The following KCNC1 variants were observed in gnomAD, a reference collection of about 807,000 sequenced individuals.
KCNC1 encodes potassium voltage-gated channel subfamily C member 1, also known as voltage-gated potassium channel KCNC1.
In KCNC1, 8 loss-of-function variants were observed where a neutral mutation model predicts 43.4. The ratio of observed to expected loss-of-function variants is 0.18; its 90% CI spans 0.11 to 0.33. The LOEUF is 0.33. Among genes scored for constraint, KCNC1 ranks in the 10% least tolerant of loss-of-function variants. KCNC1 has a pLI of 1.00. For synonymous variants in KCNC1, 361 were observed against 360.5 expected (o/e 1.00, Z -0.01); for missense variants, 420 against 836.0 (o/e 0.50, Z 6.14).
At chr11:17,737,807 C>T (rs530135502) in intron 1 of KCNC1, among the ~76,000 whole-genome samples, 2 of 152,288 alleles carry the variant, frequency 1.3e-5, no homozygotes, top group African/African-American at 2.4e-5. Context: ...TCTTTTACTC[C>T]GCATCTCTCC....
At chr11:17,761,272 G>A (rs547250036) in intron 1 of KCNC1, among the ~76,000 whole-genome samples, 1 of 152,346 alleles carries the variant, frequency 6.6e-6, no homozygotes, top group Non-Finnish European at 1.5e-5. Flanking sequence ...AGAGAGAAAG[G>A]CCTAAAACTT....
intron 2 of KCNC1, chr11:17,774,248 A>G: frequency 1.0e-6 from 1 of 985,470 alleles, no homozygotes; most frequent in Non-Finnish European, 1.2e-6. Flanking sequence ...GGAGCTACCA[A>G]CAGGGCTCTG....
intron 1 of KCNC1, among the ~76,000 whole-genome samples, chr11:17,758,212 T>C (rs1590100154): frequency 6.6e-6 from 1 of 152,222 alleles, no homozygotes; most frequent in Non-Finnish European, 1.5e-5. Flanking sequence ...TGCTTATCCA[T>C]AAGAAGCAAC....
chr11:17,744,829 C>G (rs998558170), intron 1 of KCNC1, among the ~76,000 whole-genome samples: 2 of 151,976 alleles, frequency 1.3e-5, no homozygotes, highest in African/African-American at 4.8e-5. Context: ...CATGCCTGAC[C>G]CTCAGAATTA....
At chr11:17,764,731 T>C (rs1849128854) in intron 1 of KCNC1, among the ~76,000 whole-genome samples, 2 of 152,194 alleles carry the variant, frequency 1.3e-5, no homozygotes, top group Non-Finnish European at 2.9e-5. Flanking sequence ...CAGGCATTTA[T>C]TGACAGAACA....
In KCNC1 at chr11:17,771,582, T is replaced by C; in HGVS notation, c.571-83T>C. 1 of 1,219,010 alleles carries C rather than the reference T, an allele frequency of 8.2e-7. No homozygotes were observed. Among genetic ancestry groups the C allele is most frequent in the Non-Finnish European group, 1.2e-6 (1 of 862,090 alleles). 75.5% of individuals were successfully genotyped at this position (1,219,010 alleles called of 1,614,324 possible). ...CCTGGTGCTGGCATCTCCCCCCGCC[T>C]GGCCCTGGGACTGGACAGAGGCAAC... On this transcript the variant is annotated intron_variant, in intron 1 of 3. Transcript: ENST00000265969. This position sits in a 1 kb window ranked among gnomAD's most constrained non-coding sequence, Gnocchi z 4.7.
Position 17,772,891 on chromosome 11 carries a change from A to G in KCNC1, c.1504+293A>G, listed in dbSNP as rs11024394. On this transcript the variant is annotated intron_variant, in intron 2 of 3. Coordinates refer to ENST00000265969, the MANE Select transcript of KCNC1 (RefSeq NM_001112741.2). ...CCGCCAGGTTGCTGAGGACTAACTT[A>G]GCAGGAGCCAGGGGGGCTCTGCTTG... The G allele has an allele frequency of 2.4e-3, 3,061 of 1,264,988 alleles. 70 individuals carry two copies. In the East Asian group the frequency reaches 0.055, roughly 23 times the overall value. The allele number at this position is 1,264,988 out of a possible 1,614,324, so 78.4% of individuals were successfully genotyped here.
At chr11:17,753,456 TGTCA>T (rs1253555691) in intron 1 of KCNC1, among the ~76,000 whole-genome samples, 4 of 152,220 alleles carry the variant, frequency 2.6e-5, no homozygotes, top group Non-Finnish European at 2.9e-5. Flanking sequence ...CTGGCTGGGC[TGTCA>T]GTCAGGCTGG....
intron 1 of KCNC1, among the ~76,000 whole-genome samples, chr11:17,770,194 C>T (rs1196791709): frequency 6.6e-6 from 1 of 152,262 alleles, no homozygotes; most frequent in Non-Finnish European, 1.5e-5. Flanking sequence ...ATGGCTGCCT[C>T]CTGCTGTTGA....
intron 1 of KCNC1, among the ~76,000 whole-genome samples, chr11:17,769,498 C>T (rs1182915087): frequency 1.3e-5 from 2 of 151,280 alleles, no homozygotes; most frequent in Non-Finnish European, 2.9e-5. Context: ...GAATGGATGG[C>T]AGGGAAGGAG....
At chr11:17,765,522 C>A (rs990014687) in intron 1 of KCNC1, among the ~76,000 whole-genome samples, 2 of 152,218 alleles carry the variant, frequency 1.3e-5, no homozygotes, top group African/African-American at 2.4e-5. Context: ...CCAACAGCTT[C>A]ACCACCCTGG....
intron 1 of KCNC1, among the ~76,000 whole-genome samples, chr11:17,738,394 T>C (rs924523326): frequency 1.3e-5 from 2 of 152,106 alleles, no homozygotes; most frequent in African/African-American, 2.4e-5. Context: ...GGCAGAGGCC[T>C]GGGTTACAGC....
At position 17,771,604 on chromosome 11, in the gene KCNC1, C is replaced by T; in HGVS notation, c.571-61C>T. The T allele has an allele frequency of 1.4e-6, 2 of 1,479,186 alleles. No homozygotes were observed. The highest frequency in any genetic ancestry group is 1.8e-6 in the Non-Finnish European group (2 of 1,082,904). 91.6% of individuals were successfully genotyped at this position (1,479,186 alleles called of 1,614,324 possible). ...GCCTGGCCCTGGGACTGGACAGAGG[C>T]AACCCAGGCTTCTCCACTCTGGGTG... is the stretch of plus-strand genomic sequence containing the variant. On this transcript the variant is annotated intron_variant, in intron 1 of 3. Transcript: ENST00000265969. This position sits in a 1 kb window ranked among gnomAD's most constrained non-coding sequence, Gnocchi z 4.7.
chr11:17,744,522 G>A (rs1311568241), intron 1 of KCNC1, among the ~76,000 whole-genome samples: 2 of 149,680 alleles, frequency 1.3e-5, no homozygotes, highest in Admixed American at 6.6e-5. Context: ...GACCTGGGGG[G>A]ATCACCTCTT....
At chr11:17,769,248 CT>C (rs1448476304) in intron 1 of KCNC1, among the ~76,000 whole-genome samples, 2 of 152,090 alleles carry the variant, frequency 1.3e-5, no homozygotes, top group Non-Finnish European at 2.9e-5. Context: ...GGAATGAGGC[CT>C]TATTCAACTC....
chr11:17,776,755 C>A lies in KCNC1; in HGVS notation c.1505-2701C>A. ...AAAGGATGGGGCAGGGGCGGGGGCT[C>A]ACACCTTTGACCCTATTCATGGGTT... On this transcript the variant is annotated intron_variant, in intron 2 of 3. Coordinates refer to ENST00000265969, the MANE Select transcript of KCNC1 (RefSeq NM_001112741.2). This position sits in a 1 kb window ranked among gnomAD's most constrained non-coding sequence, Gnocchi z 4.4. 2.0e-6 allele frequency: 2 copies of A among 985,434 alleles called. No homozygotes were observed. Among genetic ancestry groups the A allele is most frequent in the Non-Finnish European group, 2.4e-6 (2 of 829,982 alleles). The allele number at this position is 985,434 out of a possible 1,614,324, so 61.0% of individuals were successfully genotyped here.
At chr11:17,780,822 A>G (rs1849337242) in intron 3 of KCNC1, 1 of 152,344 alleles carries the variant, frequency 6.6e-6, no homozygotes, top group Non-Finnish European at 1.5e-5. Flanking sequence ...CACCTGGTCT[A>G]GGCTGGTCTC....
chr11:17,760,409 G>A (rs987176077), intron 1 of KCNC1, among the ~76,000 whole-genome samples: 60 of 152,194 alleles, frequency 3.9e-4, no homozygotes, highest in African/African-American at 1.3e-3. Context: ...TAATGGGAGA[G>A]GGTGAGAGGA....
At position 17,781,965 on chromosome 11, in the gene KCNC1, GA is replaced by G. The variant is rs1480540286; in HGVS notation, c.*232del. On this transcript the variant is annotated 3_prime_UTR_variant, in exon 4 of 4. Transcript: ENST00000265969. The surrounding 1 kb of genome is among the most constrained non-coding windows in gnomAD (Gnocchi z 5.1). ...TTTTTAAAATTTTATTTTATTTGGG[GA>G]GGGGGGGTGGAGGGGCTCCTTAGCA... is the stretch of plus-strand genomic sequence containing the variant. 2 of 459,604 alleles carry G rather than the reference GA, an allele frequency of 4.4e-6. No homozygotes were observed. The highest frequency in any genetic ancestry group is 8.0e-5 in the Admixed American group (2 of 24,866). 28.5% of individuals were successfully genotyped at this position (459,604 alleles called of 1,614,324 possible).
Sources: gnomAD v4.1 joint callset for allele counts (sites outside exome capture counted in the v4.1 genomes callset) on GRCh38, gnomAD v4.1.1 for gene constraint, Gnocchi (gnomAD v3.1) non-coding constraint, MANE v1.5 for transcripts, NCBI Gene and HGNC (gene_info 2026-07-23, HGNC 2026-07-21) for gene names.